Variants in MTCL3 observed in about 807,000 individuals in gnomAD.
MTCL3 encodes microtubule cross-linking factor 3.
the MTCL3 span, chr6:127,514,760 C>T: frequency 1.4e-6 from 2 of 1,379,884 alleles, no homozygotes; most frequent in Admixed American, 1.9e-5. Flanking sequence ...GCCTAAAGAG[C>T]CCTTGGCCAA....
At chr6:127,480,024 G>C in the MTCL3 span, among the ~76,000 whole-genome samples, 1 of 152,174 alleles carries the variant, frequency 6.6e-6, no homozygotes, top group Non-Finnish European at 1.5e-5. Flanking sequence ...AATGCTCTGA[G>C]GTGTGAAGCA....
chr6:127,501,006 G>GT, the MTCL3 span, among the ~76,000 whole-genome samples: 5 of 152,104 alleles, frequency 3.3e-5, no homozygotes, highest in African/African-American at 4.8e-5. Context: ...TAGAGACGGG[G>GT]TTTCACCATG....
At chr6:127,515,144 T>C in the MTCL3 span, 1 of 1,099,138 alleles carries the variant, frequency 9.1e-7, no homozygotes, top group East Asian at 2.4e-5. This position sits in a 1 kb window ranked among gnomAD's most constrained non-coding sequence, Gnocchi z 4.3. Context: ...ATTCTCAGCT[T>C]TAATTGCCCT....
chr6:127,487,883 A>G, the MTCL3 span, among the ~76,000 whole-genome samples: 2 of 152,188 alleles, frequency 1.3e-5, no homozygotes, highest in Non-Finnish European at 2.9e-5. Context: ...AATGTTTTAT[A>G]AAGACTTGAC....
the MTCL3 span, among the ~76,000 whole-genome samples, chr6:127,482,705 A>G: frequency 6.6e-6 from 1 of 152,222 alleles, no homozygotes; most frequent in Non-Finnish European, 1.5e-5. The surrounding 1 kb of genome is among the most constrained non-coding windows in gnomAD (Gnocchi z 4.1). Flanking sequence ...TACAATGTAA[A>G]GCAATTATAA....
the MTCL3 span, chr6:127,518,796 A>G: frequency 6.6e-6 from 1 of 152,228 alleles, no homozygotes; most frequent in African/African-American, 2.4e-5. Flanking sequence ...GGTAACGTCA[A>G]GATTCAGCTG....
chr6:127,473,424 GT>G, the MTCL3 span: 1 of 1,429,486 alleles, frequency 7.0e-7, no homozygotes, highest in Non-Finnish European at 9.4e-7. Context: ...AAAGAGAAGA[GT>G]TAATTAATAA....
chr6:127,513,111 T>C, the MTCL3 span: 1 of 1,431,116 alleles, frequency 7.0e-7, no homozygotes, highest in Admixed American at 2.3e-5. Context: ...GGGCTAAAAT[T>C]GTATTCCTAT....
the MTCL3 span, among the ~76,000 whole-genome samples, chr6:127,477,959 G>T: frequency 6.7e-6 from 1 of 150,306 alleles, no homozygotes; most frequent in Non-Finnish European, 1.5e-5. Context: ...AAGCATAAAA[G>T]AAAAAAAAAT....
chr6:127,474,639 G>T, the MTCL3 span, among the ~76,000 whole-genome samples: 1 of 151,994 alleles, frequency 6.6e-6, no homozygotes, highest in Non-Finnish European at 1.5e-5. Flanking sequence ...GTGCAGTAGT[G>T]CAATCACCAT....
chr6:127,489,483 T>A, the MTCL3 span, among the ~76,000 whole-genome samples: 7,502 of 152,352 alleles, frequency 0.049, 629 homozygotes, highest in African/African-American at 0.17. Context: ...AACCAAAAGC[T>A]AGGCCTCTTG....
chr6:127,509,866 G>A, the MTCL3 span, among the ~76,000 whole-genome samples: 3 of 152,146 alleles, frequency 2.0e-5, no homozygotes, highest in African/African-American at 7.2e-5. Context: ...AATTACCATT[G>A]CAAAAATCTT....
chr6:127,492,957 G>A, the MTCL3 span, among the ~76,000 whole-genome samples: 1 of 152,166 alleles, frequency 6.6e-6, no homozygotes, highest in African/African-American at 2.4e-5. Context: ...GGAGTTAAAA[G>A]CTAATAAATT....
At chr6:127,512,304 TA>T in the MTCL3 span, among the ~76,000 whole-genome samples, 34 of 146,878 alleles carry the variant, frequency 2.3e-4, no homozygotes, top group East Asian at 9.9e-4. Flanking sequence ...ATATATCATG[TA>T]AAAAAAAAAG....
chr6:127,516,182 C>T, the MTCL3 span: 1 of 1,434,176 alleles, frequency 7.0e-7, no homozygotes, highest in Non-Finnish European at 9.1e-7. Flanking sequence ...CGAGGCGGCT[C>T]CTCGGGCGGT....
At chr6:127,511,104 G>T in the MTCL3 span, among the ~76,000 whole-genome samples, 903 of 152,308 alleles carry the variant, frequency 5.9e-3, 13 homozygotes, top group African/African-American at 0.021. Flanking sequence ...GAGAGCTACA[G>T]GGAGAATGCC....
the MTCL3 span, among the ~76,000 whole-genome samples, chr6:127,498,019 A>T: frequency 6.6e-6 from 1 of 152,184 alleles, no homozygotes; most frequent in Non-Finnish European, 1.5e-5. Context: ...ATTGAAGTGA[A>T]TCTTCCTGTA....
At chr6:127,475,658 G>A in the MTCL3 span, 2 of 1,593,052 alleles carry the variant, frequency 1.3e-6, no homozygotes, top group African/African-American at 1.3e-5. The surrounding 1 kb of genome is among the most constrained non-coding windows in gnomAD (Gnocchi z 7.3). Flanking sequence ...GTGAGGCAGC[G>A]GATGTTGCGC....
At chr6:127,480,025 G>A in the MTCL3 span, among the ~76,000 whole-genome samples, 4 of 152,170 alleles carry the variant, frequency 2.6e-5, no homozygotes, top group Non-Finnish European at 4.4e-5. Context: ...ATGCTCTGAG[G>A]TGTGAAGCAA....
Sources: gnomAD v4.1 joint callset for allele counts (sites outside exome capture counted in the v4.1 genomes callset) on GRCh38, gnomAD v4.1.1 for gene constraint, Gnocchi (gnomAD v3.1) non-coding constraint, MANE v1.5 for transcripts, NCBI Gene and HGNC (gene_info 2026-07-23, HGNC 2026-07-21) for gene names.